Variants in PKNOX2 observed in about 807,000 individuals in gnomAD.
The protein encoded by PKNOX2 is homeobox protein PKNOX2.
In PKNOX2, 14 loss-of-function variants were observed where a neutral mutation model predicts 53.1. That is an observed-to-expected ratio of 0.26 (90% CI 0.17 to 0.41). PKNOX2 has a LOEUF of 0.41. Ranked by LOEUF, PKNOX2 falls within the 10% of genes least tolerant of loss-of-function variation. PKNOX2 has a pLI of 1.00. For synonymous variants in PKNOX2, 257 were observed against 242.8 expected, an observed-to-expected ratio of 1.06 and a Z score of -0.54; for missense variants, 496 against 602.8, an observed-to-expected ratio of 0.82 and a Z score of 1.85.
intron 2 of PKNOX2, among the ~76,000 whole-genome samples, chr11:125,257,794 C>A (rs1229351702): frequency 5.9e-5 from 9 of 152,176 alleles, no homozygotes; most frequent in Admixed American, 5.9e-4. Flanking sequence ...CATTTTTCTG[C>A]CCCTCTGAAG....
At chr11:125,405,644 G>A (rs1039089100) in intron 7 of PKNOX2, among the ~76,000 whole-genome samples, 2 of 152,194 alleles carry the variant, frequency 1.3e-5, no homozygotes, top group Admixed American at 6.5e-5. Flanking sequence ...AGAATGAGTG[G>A]CAGTCGCAGT....
chr11:125,347,355 C>T (rs1419461151), intron 3 of PKNOX2, among the ~76,000 whole-genome samples: 1 of 152,236 alleles, frequency 6.6e-6, no homozygotes, highest in Non-Finnish European at 1.5e-5. Context: ...GGCACACTGG[C>T]CCAATTACTG....
chr11:125,215,815 G>C (rs1940432868), intron 1 of PKNOX2, among the ~76,000 whole-genome samples: 1 of 152,192 alleles, frequency 6.6e-6, no homozygotes, highest in Non-Finnish European at 1.5e-5. Context: ...AAAAGCAGAG[G>C]CTGGAAGTGA....
At chr11:125,425,194 AG>A (rs982404519) in intron 10 of PKNOX2, among the ~76,000 whole-genome samples, 1 of 152,168 alleles carries the variant, frequency 6.6e-6, no homozygotes, top group African/African-American at 2.4e-5. Context: ...CTTCCATCTA[AG>A]GATGGAAGAC....
intron 2 of PKNOX2, among the ~76,000 whole-genome samples, chr11:125,265,125 A>G (rs1440581996): frequency 6.6e-6 from 1 of 152,060 alleles, no homozygotes; most frequent in African/African-American, 2.4e-5. Context: ...CATCTCTACT[A>G]AAAATACAAA....
At chr11:125,386,147 T>C (rs755748450) in intron 6 of PKNOX2, among the ~76,000 whole-genome samples, 4 of 152,184 alleles carry the variant, frequency 2.6e-5, no homozygotes, top group Non-Finnish European at 5.9e-5. Context: ...TATTAATGTG[T>C]TGGAGCACAT....
At chr11:125,177,320 A>G (rs1007798929) in intron 1 of PKNOX2, among the ~76,000 whole-genome samples, 34 of 151,962 alleles carry the variant, frequency 2.2e-4, no homozygotes, top group African/African-American at 7.7e-4. Flanking sequence ...GAGGTTAGAG[A>G]GAGACTGATG....
At chr11:125,405,086 T>TGGCTCC (rs1165212218) in intron 7 of PKNOX2, among the ~76,000 whole-genome samples, 1 of 152,204 alleles carries the variant, frequency 6.6e-6, no homozygotes, top group Non-Finnish European at 1.5e-5. Context: ...TGGCTGGGGC[T>TGGCTCC]GGCTCCGCAC....
chr11:125,233,379 G>A (rs916381980), intron 1 of PKNOX2, among the ~76,000 whole-genome samples: 8 of 152,216 alleles, frequency 5.3e-5, no homozygotes, highest in African/African-American at 1.4e-4. Flanking sequence ...GTAGTAATAC[G>A]TAAGTAGTTT....
chr11:125,261,834 T>C (rs1428146549), intron 2 of PKNOX2, among the ~76,000 whole-genome samples: 1 of 151,896 alleles, frequency 6.6e-6, no homozygotes, highest in Non-Finnish European at 1.5e-5. Flanking sequence ...GTGAAAAAGG[T>C]GGTGTAAGTG....
chr11:125,354,611 A>C (rs1163421036), intron 4 of PKNOX2, among the ~76,000 whole-genome samples: 1 of 152,266 alleles, frequency 6.6e-6, no homozygotes, highest in Non-Finnish European at 1.5e-5. Context: ...TCAAATGCAC[A>C]GGAGAATCTC....
intron 2 of PKNOX2, among the ~76,000 whole-genome samples, chr11:125,247,640 C>A (rs1033973278): frequency 3.3e-5 from 5 of 152,148 alleles, no homozygotes; most frequent in Non-Finnish European, 7.4e-5. Context: ...CACTGGCATG[C>A]TTGAAGAGAG....
chr11:125,258,901 C>A (rs769242643), intron 2 of PKNOX2: 3 of 382,854 alleles, frequency 7.8e-6, no homozygotes, highest in Non-Finnish European at 1.6e-5. Flanking sequence ...CCTGCTGCAG[C>A]CTCAGCCTCA....
At position 125,178,669 on chromosome 11, in the gene PKNOX2, G is replaced by A. The variant is rs10893339; in HGVS notation, c.-201+13893G>A. Among the ~76,000 whole-genome samples, 125 of 86,720 alleles carry A rather than the reference G, an allele frequency of 1.4e-3. 4 individuals are homozygous for A. The highest frequency in any genetic ancestry group is 3.3e-3 in the African/African-American group (43 of 13,136). 56.9% of individuals were successfully genotyped at this position (86,720 alleles called of 152,430 possible). A position where few individuals can be genotyped will look rare whatever the true frequency, so the allele number is the denominator to read the frequency against. ...AAGAAGGAAGGAAGGAAGGAAGGAA[G>A]GAAAGAAAGAGAGAGAGAGAGAGAG... is the stretch of plus-strand genomic sequence containing the variant. On this transcript the variant is annotated intron_variant, in intron 1 of 12. Transcript: ENST00000298282.
intron 2 of PKNOX2, among the ~76,000 whole-genome samples, chr11:125,272,646 G>T (rs557025480): frequency 1.3e-5 from 2 of 152,082 alleles, no homozygotes; most frequent in South Asian, 2.1e-4. Context: ...TGTTCTTTAC[G>T]CTTTGATCGT....
chr11:125,290,607 C>T (rs1488479880), intron 2 of PKNOX2, among the ~76,000 whole-genome samples: 3 of 152,180 alleles, frequency 2.0e-5, no homozygotes, highest in East Asian at 1.9e-4. Context: ...ACATTCATTA[C>T]GCAGCATGGT....
intron 4 of PKNOX2, among the ~76,000 whole-genome samples, chr11:125,361,910 A>G (rs1409448859): frequency 6.6e-6 from 1 of 152,214 alleles, no homozygotes; most frequent in Non-Finnish European, 1.5e-5. Context: ...CAGGCTCCTC[A>G]TAGCCTGGGA....
intron 2 of PKNOX2, among the ~76,000 whole-genome samples, chr11:125,267,671 C>T (rs920029131): frequency 7.2e-5 from 11 of 152,178 alleles, no homozygotes; most frequent in Admixed American, 2.0e-4. Context: ...GGTGAGATTT[C>T]CTGCTCATCT....
intron 1 of PKNOX2, among the ~76,000 whole-genome samples, chr11:125,218,699 A>G (rs1402673537): frequency 1.3e-5 from 2 of 152,170 alleles, no homozygotes; most frequent in African/African-American, 4.8e-5. Context: ...AGCAGTGCGC[A>G]TGGATTAGAG....
Sources: allele counts gnomAD v4.1 joint callset (sites outside exome capture counted in the v4.1 genomes callset), GRCh38; gene constraint gnomAD v4.1.1; transcripts MANE v1.5; gene names NCBI Gene and HGNC (gene_info 2026-07-23, HGNC 2026-07-21).